The following HEATR5A variants were observed in gnomAD, a reference collection of about 807,000 sequenced individuals.
HEATR5A encodes HEAT repeat-containing protein 5A.
Under a neutral mutation model 218.8 loss-of-function variants are expected in HEATR5A, and 178 were observed. The ratio of observed to expected loss-of-function variants is 0.81; its 90% CI spans 0.72 to 0.92. HEATR5A has a LOEUF of 0.92. Ranked by LOEUF, HEATR5A falls within the 40% of genes least tolerant of loss-of-function variation. HEATR5A has a pLI of 0.00. For synonymous variants in HEATR5A, 864 were observed against 871.6 expected, an observed-to-expected ratio of 0.99 and a Z score of 0.15; for missense variants, 2,420 against 2,418.9, an observed-to-expected ratio of 1.00 and a Z score of -0.01.
At chr14:31,411,325 A>G (rs981662654) in intron 1 of HEATR5A, among the ~76,000 whole-genome samples, 1 of 7,022 alleles carries the variant, frequency 1.4e-4, no homozygotes, top group Non-Finnish European at 0.021. Context: ...AACACAAGAG[A>G]AATGGTTAAA....
intron 11 of HEATR5A, among the ~76,000 whole-genome samples, chr14:31,375,560 C>T (rs1902196509): frequency 6.6e-6 from 1 of 152,060 alleles, no homozygotes; most frequent in Non-Finnish European, 1.5e-5. Flanking sequence ...TGCCACCACG[C>T]CCAGCTAATT....
Position 31,292,319 on chromosome 14 carries a change from A to G in HEATR5A, c.*986T>C, listed in dbSNP as rs1304584559. On this transcript the variant is annotated 3_prime_UTR_variant, in exon 36 of 36. Transcript: ENST00000543095. ...TTGGTAAGAACAGAGGTAAACAGAA[A>G]AATCCATTTGAAAAATAGTGGAAAT... 1 of 152,230 alleles carries G rather than the reference A, an allele frequency of 6.6e-6. No homozygotes were observed. Among genetic ancestry groups the G allele is most frequent in the Non-Finnish European group, 1.5e-5 (1 of 68,036 alleles). The allele number at this position is 152,230 out of a possible 1,614,324, so 9.4% of individuals were successfully genotyped here.
chr14:31,385,761 CTT>C (rs1396850976), intron 9 of HEATR5A, among the ~76,000 whole-genome samples: 2 of 151,836 alleles, frequency 1.3e-5, no homozygotes, highest in Non-Finnish European at 2.9e-5. Flanking sequence ...GACAAAGTCT[CTT>C]GTTGCCCAGG....
intron 32 of HEATR5A, 174 bp from the exon 33 acceptor site, chr14:31,302,693 A>G: frequency 1.8e-6 from 1 of 569,870 alleles, no homozygotes; most frequent in East Asian, 2.9e-5. Flanking sequence ...ATTTTTATGG[A>G]TGGATTAAAT....
chr14:31,388,051 A>G (rs1442905450), intron 7 of HEATR5A, among the ~76,000 whole-genome samples: 1 of 152,228 alleles, frequency 6.6e-6, no homozygotes, highest in Non-Finnish European at 1.5e-5. Context: ...CAAACACATT[A>G]TAAGAATTAA....
Position 31,293,543 on chromosome 14 carries a change from G to A in HEATR5A, c.5903C>T (p.Ser1968Leu). 1.2e-6 allele frequency: 2 copies of A among 1,613,768 alleles called. No homozygotes were observed. ...SFLLDENSLGSATSIMRNLHD... is the reference protein window; with the variant it reads ...SFLLDENSLGLATSIMRNLHD... ...TAAATTTCTCATTATGGAAGTTGCT[G>A]ATCCCAGAGAATTTTCATCCAAAAG... The change falls in exon 36 of 36, where the codon TCA (serine) becomes TTA (leucine). Residue 1968 changes from serine (S) to leucine (L), a missense_variant. By Grantham distance (145) the Ser-to-Leu change is moderately radical. Transcript: ENST00000543095.
chr14:31,400,401 A>G lies in HEATR5A; in HGVS notation c.238T>C (p.Tyr80His), dbSNP rs1595176632. ...KLLAKNLAIL[Y>H]SIGDTFSVHE... is the part of the protein sequence containing the mutation. ...ACGGAGAATGTGTCTCCAATACTAT[A>G]AAGTATGGCTAGATTCTTAGCAAGC... The change falls in exon 3 of 36, where the codon TAT (tyrosine) becomes CAT (histidine). Residue 80 changes from tyrosine to histidine, a missense_variant. By Grantham distance (83) the Tyr-to-His change is moderately conservative (BLOSUM62 2). Coordinates refer to ENST00000543095, the MANE Select transcript of HEATR5A (RefSeq NM_015473.4). 3 of 1,535,578 alleles carry G rather than the reference A, an allele frequency of 2.0e-6. No homozygotes were observed. The highest frequency in any genetic ancestry group is 2.0e-5 in the Admixed American group (1 of 50,966).
chr14:31,353,028 A>C (rs1441032247), intron 16 of HEATR5A, among the ~76,000 whole-genome samples: 1 of 152,042 alleles, frequency 6.6e-6, no homozygotes, highest in Non-Finnish European at 1.5e-5. Flanking sequence ...AATACTTAGA[A>C]AAGTACTTAT....
At chr14:31,326,109 G>A (rs753531012) in intron 23 of HEATR5A, 54 bp downstream of exon 23, 4 of 1,406,108 alleles carry the variant, frequency 2.8e-6, no homozygotes, top group African/African-American at 2.8e-5. Flanking sequence ...ACAATTTTAT[G>A]TAAAGTTTCA....
At chr14:31,327,167 G>A (rs2050781191) in intron 22 of HEATR5A, among the ~76,000 whole-genome samples, 1 of 151,316 alleles carries the variant, frequency 6.6e-6, no homozygotes. Context: ...TAGAGACGGG[G>A]TTTCACCATG....
chr14:31,420,128 C>G (rs1029354917), intron 1 of HEATR5A: 1 of 152,410 alleles, frequency 6.6e-6, no homozygotes, highest in African/African-American at 2.4e-5. Context: ...CCGGCTCCCG[C>G]TGGCGGGCAG....
chr14:31,294,383 T>C (rs1249897392), intron 34 of HEATR5A, among the ~76,000 whole-genome samples: 1 of 151,572 alleles, frequency 6.6e-6, no homozygotes, highest in African/African-American at 2.4e-5. Context: ...CATGTCTTTC[T>C]CTATAATGTA....
intron 1 of HEATR5A, among the ~76,000 whole-genome samples, chr14:31,410,731 T>C (rs2031242308): frequency 6.6e-6 from 1 of 152,204 alleles, no homozygotes; most frequent in South Asian, 2.1e-4. Context: ...TTAAAAATCT[T>C]GTCTGTATCA....
chr14:31,375,012 G>A lies in HEATR5A; in HGVS notation c.1709-44C>T, dbSNP rs373682783. 4.6e-4 allele frequency: 692 copies of A among 1,511,046 alleles called. 3 individuals carry two copies. Among genetic ancestry groups the A allele is most frequent in the East Asian group, 5.7e-4 (24 of 42,098 alleles). 93.6% of individuals were successfully genotyped at this position (1,511,046 alleles called of 1,614,324 possible). A position where few individuals can be genotyped will look rare whatever the true frequency, so the allele number is the denominator to read the frequency against. On this transcript the variant is annotated intron_variant, in intron 11 of 35. Coordinates refer to ENST00000543095, the MANE Select transcript of HEATR5A (RefSeq NM_015473.4). Reference sequence around the variant, plus strand: ...GTCACTTGTAAGAGAATCCAAGGTTGTCACTCTTTAAAACTCTATTATTAA... The same window carrying A: ...GTCACTTGTAAGAGAATCCAAGGTTATCACTCTTTAAAACTCTATTATTAA...
In HEATR5A at chr14:31,292,459, TGTAA is replaced by T. The variant is rs1037630297; in HGVS notation, c.*842_*845del. ...CAAATCTTATGTTGCACTGTAAGGCTGTAAGTAATTTGTACTATTGTATACTGGA... is the reference window on the plus strand; with the variant it reads ...CAAATCTTATGTTGCACTGTAAGGCTGTAATTTGTACTATTGTATACTGGA... On this transcript the variant is annotated 3_prime_UTR_variant, in exon 36 of 36. Transcript: ENST00000543095. 2.0e-5 allele frequency: 3 copies of T among 152,226 alleles called. No individual in the cohort carries two copies. The highest frequency in any genetic ancestry group is 7.2e-5 in the African/African-American group (3 of 41,464). The allele number at this position is 152,226 out of a possible 1,614,324, so 9.4% of individuals were successfully genotyped here.
intron 22 of HEATR5A, 96 bp from the exon 23 acceptor site, chr14:31,326,438 A>G: frequency 2.3e-6 from 2 of 873,328 alleles, no homozygotes; most frequent in Non-Finnish European, 3.6e-6. Flanking sequence ...TAGTAGATAA[A>G]AATACATCTT....
intron 12 of HEATR5A, among the ~76,000 whole-genome samples, chr14:31,373,033 C>A (rs774180718): frequency 1.8e-4 from 28 of 151,744 alleles, no homozygotes; most frequent in Non-Finnish European, 3.5e-4. Flanking sequence ...CCACCTCCCA[C>A]GCTCAGGTAA....
intron 17 of HEATR5A, among the ~76,000 whole-genome samples, chr14:31,350,375 C>T (rs1215430020): frequency 6.6e-6 from 1 of 152,114 alleles, no homozygotes; most frequent in Non-Finnish European, 1.5e-5. Flanking sequence ...CCCAGGATAT[C>T]AGGATTGGTA....
intron 4 of HEATR5A, among the ~76,000 whole-genome samples, chr14:31,397,265 C>T (rs917520278): frequency 1.7e-4 from 26 of 151,974 alleles, no homozygotes; most frequent in African/African-American, 5.6e-4. Flanking sequence ...CTATAAATTA[C>T]TTCAGGGCTG....
Sources: gnomAD v4.1 joint callset for allele counts (sites outside exome capture counted in the v4.1 genomes callset) on GRCh38, gnomAD v4.1.1 for gene constraint, MANE v1.5 for transcripts, NCBI Gene and HGNC (gene_info 2026-07-23, HGNC 2026-07-21) for gene names.